Variants in RAPH1 observed in about 807,000 individuals in gnomAD.
The protein encoded by RAPH1 is Ras association (RalGDS/AF-6) and pleckstrin homology domains 1.
A neutral mutation model predicts 88.1 loss-of-function variants in RAPH1; 18 were observed. The observed-to-expected ratio is 0.20, with a 90% CI of 0.14 to 0.30. The LOEUF is 0.30. RAPH1 is among the 10% of genes least tolerant of loss of function. RAPH1 has a pLI of 1.00. For missense variants in RAPH1, 1,448 were observed against 1,543.2 expected (o/e 0.94, Z 1.03); for synonymous variants, 587 against 559.0 (o/e 1.05, Z -0.71).
At chr2:203,485,367 C>T (rs929567592) in intron 4 of RAPH1, among the ~76,000 whole-genome samples, 7 of 146,960 alleles carry the variant, frequency 4.8e-5, no homozygotes, top group East Asian at 2.0e-4. Context: ...GCTGAGATTG[C>T]GCCACTGCAT....
At chr2:203,467,771 T>G (rs532564116) in intron 4 of RAPH1, among the ~76,000 whole-genome samples, 1 of 152,018 alleles carries the variant, frequency 6.6e-6, no homozygotes, top group African/African-American at 2.4e-5. Flanking sequence ...TTTAAACTTT[T>G]TGTTTTTTGG....
chr2:203,525,429 C>T (rs565796085), intron 1 of RAPH1, among the ~76,000 whole-genome samples: 11 of 152,154 alleles, frequency 7.2e-5, no homozygotes, highest in Non-Finnish European at 1.6e-4. Context: ...AATCCACCAC[C>T]CCCTTGGCCT....
At chr2:203,490,644 T>C in intron 3 of RAPH1, among the ~76,000 whole-genome samples, 1 of 152,226 alleles carries the variant, frequency 6.6e-6, no homozygotes, top group Non-Finnish European at 1.5e-5. Context: ...CACCTGGGTA[T>C]GTACTTTGTC....
At chr2:203,486,196 G>A (rs950838675) in intron 4 of RAPH1, among the ~76,000 whole-genome samples, 2 of 151,988 alleles carry the variant, frequency 1.3e-5, no homozygotes, top group African/African-American at 2.4e-5. Flanking sequence ...TCAACTGGGA[G>A]AAAGTCTGAA....
chr2:203,508,979 GCTTA>G (rs1689211261), intron 1 of RAPH1, among the ~76,000 whole-genome samples: 1 of 150,800 alleles, frequency 6.6e-6, no homozygotes, highest in African/African-American at 2.4e-5. Context: ...AACCTTTTTA[GCTTA>G]TTTATAAAAA....
In RAPH1 at chr2:203,495,305, T is replaced by G. The variant is rs1688463438; in HGVS notation, c.49A>C (p.Ser17Arg). The G allele has an allele frequency of 6.2e-7, 1 of 1,614,106 alleles. No homozygotes were observed. The highest frequency in any genetic ancestry group is 8.5e-7 in the Non-Finnish European group (1 of 1,179,976). Residue 17 changes from serine (S) to arginine (R), a missense_variant, in exon 2 of 14, where the codon AGT (serine) becomes CGT (arginine). Around this residue, in one of 2 missense-constraint regions of RAPH1, gnomAD observed 513 missense variants for 653.1 expected, o/e 0.79. Coordinates refer to ENST00000319170, the MANE Select transcript of RAPH1 (RefSeq NM_213589.3). ...TCCAGGTCCTGATCTTCCTTGTCAC[T>G]GTCTTCTTCAGCACCATGATCAATT... ...EEIDHGAEED[S>R]DKEDQDLDKM... is the part of the protein sequence containing the mutation.
rs747868774 is a variant in RAPH1 at position 203,489,797 on chromosome 2, T to C, written c.519A>G (p.Gln173=). ...AGGGTTTAGTATCTTCTAGTACAGA[T>C]TGCTGAGCAGCCTCATCCATACTCA... ...ASLSMDEAAQ[Q]SVLEDTKPLV... Residue 173 remains glutamine, a synonymous_variant, in exon 4 of 14, where the codon CAA becomes CAG. Coordinates refer to ENST00000319170, the MANE Select transcript of RAPH1 (RefSeq NM_213589.3). 4 of 1,614,238 alleles carry C rather than the reference T, an allele frequency of 2.5e-6. No homozygotes were observed. The highest frequency in any genetic ancestry group is 3.4e-6 in the Non-Finnish European group (4 of 1,180,036).
Position 203,507,149 on chromosome 2 carries a change from G to A in RAPH1, c.1-11796C>T, listed in dbSNP as rs569036631. On this transcript the variant is annotated intron_variant, in intron 1 of 13. Transcript: ENST00000319170. ...TGACCTCAGGTGATACGCCCACCTC[G>A]GCCTCCCAAAGTGCTGGGATTACAG... Among the ~76,000 whole-genome samples, 86 of 150,774 alleles carry A rather than the reference G, an allele frequency of 5.7e-4. 1 individual carries two copies. In the South Asian group the frequency reaches 0.017, roughly 30 times the overall value.
intron 1 of RAPH1, among the ~76,000 whole-genome samples, chr2:203,499,409 T>C (rs1393883058): frequency 6.6e-6 from 1 of 152,004 alleles, no homozygotes; most frequent in African/African-American, 2.4e-5. Flanking sequence ...CCTATGTGGA[T>C]TAGTTTAACA....
At chr2:203,462,914 T>C (rs944780900) in intron 4 of RAPH1, among the ~76,000 whole-genome samples, 2 of 152,058 alleles carry the variant, frequency 1.3e-5, no homozygotes, top group African/African-American at 4.8e-5. Context: ...AAATAAAAAC[T>C]TTTTGGTTGG....
chr2:203,471,204 T>TA (rs754933718), intron 4 of RAPH1, among the ~76,000 whole-genome samples: 3 of 152,266 alleles, frequency 2.0e-5, no homozygotes, highest in East Asian at 1.9e-4. Flanking sequence ...TATCACCATT[T>TA]AAAAAAATGT....
chr2:203,474,227 C>T (rs1188158587), intron 4 of RAPH1, among the ~76,000 whole-genome samples: 4 of 152,058 alleles, frequency 2.6e-5, no homozygotes, highest in Non-Finnish European at 5.9e-5. Flanking sequence ...TGTCCTCAAG[C>T]AGGAATTTCA....
intron 4 of RAPH1, among the ~76,000 whole-genome samples, chr2:203,467,984 G>A (rs2098529962): frequency 6.6e-6 from 1 of 151,938 alleles, no homozygotes; most frequent in Admixed American, 6.6e-5. Context: ...TAGGCAGGCT[G>A]GTCTTGAACT....
chr2:203,506,107 A>G (rs1004425556), intron 1 of RAPH1, among the ~76,000 whole-genome samples: 2 of 152,202 alleles, frequency 1.3e-5, no homozygotes, highest in African/African-American at 2.4e-5. Flanking sequence ...ACTGGCAAGA[A>G]ATCCAATCCC....
chr2:203,521,131 G>A (rs535964993), intron 1 of RAPH1, among the ~76,000 whole-genome samples: 1 of 152,278 alleles, frequency 6.6e-6, no homozygotes, highest in Non-Finnish European at 1.5e-5. Flanking sequence ...TTGGCTCACT[G>A]TAACCTCTGC....
intron 7 of RAPH1, among the ~76,000 whole-genome samples, chr2:203,458,195 C>T (rs1400062029): frequency 6.6e-6 from 1 of 152,094 alleles, no homozygotes; most frequent in East Asian, 1.9e-4. Context: ...CACGGTGAAA[C>T]CCCGTCTCTA....
At chr2:203,497,192 G>A (rs903957247) in intron 1 of RAPH1, among the ~76,000 whole-genome samples, 1 of 152,150 alleles carries the variant, frequency 6.6e-6, no homozygotes, top group African/African-American at 2.4e-5. Context: ...AGCACATCTC[G>A]TGCCTCCCTG....
At chr2:203,525,882 G>A (rs34038820) in intron 1 of RAPH1, among the ~76,000 whole-genome samples, 10,862 of 152,222 alleles carry the variant, frequency 0.071, 625 homozygotes, top group African/African-American at 0.16. Context: ...AAACTTACCT[G>A]TGCTGAAGCA....
At chr2:203,458,070 C>T (rs2098521226) in intron 7 of RAPH1, among the ~76,000 whole-genome samples, 2 of 152,200 alleles carry the variant, frequency 1.3e-5, no homozygotes, top group South Asian at 2.1e-4. Flanking sequence ...TTACTTGACT[C>T]AACTAAAAAT....
Sources: gnomAD v4.1 joint callset for allele counts (sites outside exome capture counted in the v4.1 genomes callset) on GRCh38, gnomAD v4.1.1 for gene constraint, gnomAD v4.1.1 regional missense constraint, MANE v1.5 for transcripts, NCBI Gene and HGNC (gene_info 2026-07-23, HGNC 2026-07-21) for gene names.